The following ZNF185 variants were observed in gnomAD, a reference collection of about 807,000 sequenced individuals.
ZNF185 encodes zinc finger protein 185 with LIM domain, also known as zinc finger protein 185.
Under a neutral mutation model 58.6 loss-of-function variants are expected in ZNF185, and 56 were observed. The ratio of observed to expected loss-of-function variants is 0.95; its 90% CI spans 0.77 to 1.19. The LOEUF is 1.19. ZNF185 is among the 50% of genes most tolerant of loss of function. The probability of loss-of-function intolerance (pLI) is 0.00; values close to 1 mark genes in which losing one functional copy is unlikely to be tolerated. For synonymous variants in ZNF185, 230 were observed against 215.9 expected, an observed-to-expected ratio of 1.07 and a Z score of -0.57; for missense variants, 627 against 573.5, an observed-to-expected ratio of 1.09 and a Z score of -0.95.
At chrX:152,907,266 C>G in the ZNF185 span, among the ~76,000 whole-genome samples, 1 of 111,544 alleles carries the variant, frequency 9.0e-6, no homozygotes, top group African/African-American at 3.2e-5. Flanking sequence ...CCCCCTGCGT[C>G]AGCTCCCCTC....
chrX:152,954,892 C>T (rs1281007567), intron 16 of ZNF185, among the ~76,000 whole-genome samples: 1 of 110,927 alleles, frequency 9.0e-6, no homozygotes, highest in Non-Finnish European at 1.9e-5. Context: ...ATCGGGCAGC[C>T]CCCAGAATCA....
chrX:152,918,937 T>C (rs782053364), intron 6 of ZNF185, 46 bp from the exon 8 acceptor site: 2 of 1,034,489 alleles, frequency 1.9e-6, no homozygotes. Flanking sequence ...GCCAAGCTGC[T>C]GAGGGTGGCA....
rs782383998 is a variant in ZNF185 at position 152,934,390 on chromosome X, A to C, written c.1121+1419A>C. ...CCGCCTGCTTATACACCCTCATAAC[A>C]TGAAGCCTGTGCTGTCCACTGTTTC... is the stretch of plus-strand genomic sequence containing the variant. On this transcript the variant is annotated intron_variant, in intron 14 of 22. Coordinates refer to ENST00000449285, the Ensembl canonical transcript of ZNF185. Among the ~76,000 whole-genome samples, 3 of 112,451 alleles carry C rather than the reference A, an allele frequency of 2.7e-5. No homozygotes were observed. The Admixed American group carries it at 2.8e-4, about 11-fold the overall frequency.
chrX:152,949,272 G>A (rs58383273), intron 16 of ZNF185, among the ~76,000 whole-genome samples: 5,486 of 112,492 alleles, frequency 0.049, 338 homozygotes, highest in African/African-American at 0.17. Flanking sequence ...TGGCTTTCAG[G>A]TGGAGGCCCT....
chrX:152,941,779 G>T (rs1556889969), intron 15 of ZNF185: 1 of 1,164,301 alleles, frequency 8.6e-7, no homozygotes, highest in South Asian at 1.9e-5. Context: ...GCCGCCAGAG[G>T]TCGCCCGAGG....
At chrX:152,956,754 CAG>C (rs2048878786) in intron 16 of ZNF185, among the ~76,000 whole-genome samples, 1 of 106,078 alleles carries the variant, frequency 9.4e-6, no homozygotes, top group Non-Finnish European at 1.9e-5. Flanking sequence ...CAAAACAAAA[CAG>C]TATTTTTATT....
At chrX:152,913,216 C>A (rs551403577), upstream of ZNF185, among the ~76,000 whole-genome samples, 52 of 112,472 alleles carry the variant, frequency 4.6e-4, 1 homozygote, top group South Asian at 0.018. Context: ...GGCTCTTCTG[C>A]TTTGTGACTA....
At chrX:152,940,921 T>C (rs1372540061) in intron 15 of ZNF185, among the ~76,000 whole-genome samples, 6 of 112,296 alleles carry the variant, frequency 5.3e-5, no homozygotes, top group African/African-American at 1.3e-4. Flanking sequence ...TACTGGTCAG[T>C]TGGGCATGAA....
the ZNF185 span, among the ~76,000 whole-genome samples, chrX:152,904,702 T>A: frequency 8.9e-6 from 1 of 111,956 alleles, no homozygotes; most frequent in Non-Finnish European, 1.9e-5. Context: ...TTCCTCAGGC[T>A]TGTCCTTGCA....
intron 9 of ZNF185, 21 bp downstream of exon 10, chrX:152,920,769 C>T (rs1299306041): frequency 1.1e-5 from 13 of 1,208,784 alleles, no homozygotes; most frequent in Non-Finnish European, 1.3e-5. Context: ...TCAAGGGACA[C>T]CTTGGAGGCC....
At chrX:152,949,578 C>T (rs1236100753) in intron 16 of ZNF185, among the ~76,000 whole-genome samples, 1 of 111,269 alleles carries the variant, frequency 9.0e-6, no homozygotes, top group African/African-American at 3.3e-5. Flanking sequence ...TTAAGGGCTG[C>T]TTACTGCTAA....
chrX:152,968,269 T>G (rs1279560275), intron 20 of ZNF185, among the ~76,000 whole-genome samples: 2 of 112,012 alleles, frequency 1.8e-5, no homozygotes, highest in Non-Finnish European at 3.8e-5. Flanking sequence ...AGTTAACCAC[T>G]TACATAGGAG....
At chrX:152,951,204 C>T (rs1482426874) in intron 16 of ZNF185, among the ~76,000 whole-genome samples, 2 of 110,171 alleles carry the variant, frequency 1.8e-5, no homozygotes, top group South Asian at 4.0e-4. Flanking sequence ...GAACTGCCCA[C>T]CTCAGCCTCC....
At chrX:152,943,100 G>A (rs1556891635) in intron 15 of ZNF185, among the ~76,000 whole-genome samples, 1 of 110,893 alleles carries the variant, frequency 9.0e-6, no homozygotes. Context: ...TACCTCCTGG[G>A]CTCAAGTGAT....
intron 16 of ZNF185, among the ~76,000 whole-genome samples, chrX:152,946,085 G>T (rs2047761068): frequency 8.9e-6 from 1 of 112,622 alleles, no homozygotes; most frequent in Non-Finnish European, 1.9e-5. Flanking sequence ...TCTCTTGAAG[G>T]CATCTTGCCT....
intron 1 of ZNF185, 50 bp downstream of exon 2, chrX:152,914,573 T>C: frequency 8.7e-7 from 1 of 1,151,943 alleles, no homozygotes; most frequent in Non-Finnish European, 1.2e-6. Context: ...GGCTGTTTGC[T>C]TCCAAGCCTG....
intron 11 of ZNF185, among the ~76,000 whole-genome samples, chrX:152,923,881 G>A (rs1011611598): frequency 1.8e-5 from 2 of 111,584 alleles, no homozygotes; most frequent in African/African-American, 3.3e-5. Context: ...CCTGATCTAG[G>A]GGACTTGGCA....
rs1556878598 is a variant in ZNF185, at chrX:152,932,866, A to G, written c.1023-7A>G. ...AGAGTCAGCAAATACTCCACTTCTC[A>G]TAACAGGTCAAGTGCACAGTTGAGT... On this transcript the variant is annotated splice_polypyrimidine_tract_variant and splice_region_variant and intron_variant, in intron 13 of 22. Coordinates refer to ENST00000449285, the Ensembl canonical transcript of ZNF185. 1.7e-6 allele frequency: 2 copies of G among 1,187,126 alleles called. No homozygotes were observed. Among genetic ancestry groups the G allele is most frequent in the South Asian group, 3.7e-5 (2 of 54,582 alleles).
chrX:152,932,495 G>A (rs1373199383), intron 13 of ZNF185, among the ~76,000 whole-genome samples: 3 of 111,707 alleles, frequency 2.7e-5, no homozygotes, highest in Admixed American at 1.9e-4. Flanking sequence ...CCACACACCC[G>A]TCTTCTCAGT....
Sources: allele counts gnomAD v4.1 joint callset (sites outside exome capture counted in the v4.1 genomes callset), GRCh38; gene constraint gnomAD v4.1.1; transcripts MANE v1.5; gene names NCBI Gene and HGNC (gene_info 2026-07-23, HGNC 2026-07-21).